TNN: variants seen among roughly 807,000 people sequenced by gnomAD.
TNN encodes the protein tenascin-N.
A neutral mutation model predicts 134.4 loss-of-function variants in TNN; 122 were observed. The observed-to-expected ratio is 0.91, with a 90% CI of 0.78 to 1.06. The LOEUF (loss-of-function observed/expected upper bound fraction) is 1.06. Ranked by LOEUF, TNN falls within the 50% of genes least tolerant of loss-of-function variation. TNN has a pLI of 0.00. For synonymous variants in TNN, 710 were observed against 670.3 expected (o/e 1.06, Z -0.91); for missense variants, 1,739 against 1,699.4 (o/e 1.02, Z -0.41).
Position 175,118,743 on chromosome 1 carries a change from C to G in TNN, c.2569C>G (p.Pro857Ala), listed in dbSNP as rs1485529720. ...CAGCACTGTCCTGACGGGCCTGAGGCCGGGCATGGAGTACACGGTGCACGT... is the reference window on the plus strand; with the variant it reads ...CAGCACTGTCCTGACGGGCCTGAGGGCGGGCATGGAGTACACGGTGCACGT... ...QSSTVLTGLR[P>A]GMEYTVHVWA... is the part of the protein sequence containing the mutation. Residue 857 changes from proline (P) to alanine (A), a missense_variant, in exon 11 of 19, where the codon CCG becomes GCG. Pro to Ala is a conservative substitution (Grantham distance 27). Transcript: ENST00000239462. 6.2e-7 allele frequency: 1 copy of G among 1,614,148 alleles called. No homozygotes were observed. The highest frequency in any genetic ancestry group is 8.5e-7 in the Non-Finnish European group (1 of 1,180,018).
At chr1:175,100,635 C>T (rs1038408024) in intron 9 of TNN, among the ~76,000 whole-genome samples, 14 of 151,888 alleles carry the variant, frequency 9.2e-5, no homozygotes, top group Admixed American at 6.6e-4. Context: ...TGTAATAGGA[C>T]GTATGAGCAA....
In TNN at chr1:175,093,987, A is replaced by G. The variant is rs756378791; in HGVS notation, c.1325-3A>G. ...TTTTTCTTTCTCATGTGTTTTTATGAAGAAATTGACAGTCCAACCAATGTT... is the reference window on the plus strand; with the variant it reads ...TTTTTCTTTCTCATGTGTTTTTATGGAGAAATTGACAGTCCAACCAATGTT... On this transcript the variant is annotated splice_region_variant and splice_polypyrimidine_tract_variant and intron_variant, in intron 6 of 18. Transcript: ENST00000239462. The G allele has an allele frequency of 1.1e-5, 18 of 1,582,416 alleles. No homozygotes were observed. In the South Asian group the frequency reaches 1.6e-4, roughly 14 times the overall value.
chr1:175,098,635 A>C (rs368734564), intron 9 of TNN, 40 bp downstream of exon 9: 24 of 1,613,226 alleles, frequency 1.5e-5, no homozygotes, highest in African/African-American at 2.7e-5. Context: ...TGCCATGCTC[A>C]GGGTCTGTCT....
At chr1:175,074,177 A>G (rs1247244456) in intron 1 of TNN, among the ~76,000 whole-genome samples, 1 of 151,858 alleles carries the variant, frequency 6.6e-6, no homozygotes, top group Non-Finnish European at 1.5e-5. Context: ...CCAGTGGCAC[A>G]CTGTCTTTGA....
At chr1:175,114,720 C>T (rs1031857546) in intron 9 of TNN, among the ~76,000 whole-genome samples, 4 of 146,634 alleles carry the variant, frequency 2.7e-5, no homozygotes, top group East Asian at 1.9e-4. Flanking sequence ...AGGGTGCAGC[C>T]GTGGTTTAAC....
intron 15 of TNN, among the ~76,000 whole-genome samples, chr1:175,131,006 C>T (rs1208432575): frequency 6.6e-6 from 1 of 151,948 alleles, no homozygotes; most frequent in Non-Finnish European, 1.5e-5. Context: ...CTGAAAACTT[C>T]CCCACAAAAC....
chr1:175,123,498 G>C lies in TNN; in HGVS notation c.2749G>C (p.Val917Leu). 6.2e-7 allele frequency: 1 copy of C among 1,614,224 alleles called. No homozygotes were observed. Among genetic ancestry groups the C allele is most frequent in the Non-Finnish European group, 8.5e-7 (1 of 1,180,044 alleles). Residue 917 changes from valine (V) to leucine (L), a missense_variant, in exon 12 of 19, where the codon GTG (valine) becomes CTG (leucine). Coordinates refer to ENST00000239462, the MANE Select transcript of TNN (RefSeq NM_022093.2). ...TCAGGCCACCATTGACAAGTACATG[G>C]TGCGCTACACCTCTGCTGACGGAGA... Reference protein sequence around the residue: ...PVQATIDKYMVRYTSADGETR... With the variant: ...PVQATIDKYMLRYTSADGETR...
intron 6 of TNN, among the ~76,000 whole-genome samples, chr1:175,085,748 C>T (rs1426208801): frequency 2.0e-5 from 3 of 152,072 alleles, no homozygotes; most frequent in Admixed American, 2.0e-4. Context: ...GTGGCGCATG[C>T]CTGTAATCCC....
chr1:175,083,317 T>C (rs1674242563), intron 4 of TNN, among the ~76,000 whole-genome samples: 1 of 152,208 alleles, frequency 6.6e-6, no homozygotes. Flanking sequence ...CTCTCCACTT[T>C]CCGTGGAAGT....
chr1:175,105,084 A>T (rs1674814886), intron 9 of TNN, among the ~76,000 whole-genome samples: 2 of 146,056 alleles, frequency 1.4e-5, no homozygotes, highest in Admixed American at 1.4e-4. Context: ...TGACTAGGAT[A>T]CCAGGTATCT....
In TNN at chr1:175,097,406, C is replaced by G. The variant is rs376318365; in HGVS notation, c.1589-11C>G. On this transcript the variant is annotated splice_polypyrimidine_tract_variant and intron_variant, in intron 7 of 18. Coordinates refer to ENST00000239462, the MANE Select transcript of TNN (RefSeq NM_022093.2). Reference sequence around the variant, plus strand: ...TAAAGGCTACATTCTTCTTTCATCTCTCTCTTAAAGAAATTGACAGCCCAG... The same window carrying G: ...TAAAGGCTACATTCTTCTTTCATCTGTCTCTTAAAGAAATTGACAGCCCAG... The G allele has an allele frequency of 1.4e-5, 22 of 1,613,876 alleles. No individual in the cohort carries two copies. The African/African-American group carries it at 2.4e-4, about 18-fold the overall frequency.
chr1:175,080,199 C>A lies in TNN; in HGVS notation c.821C>A (p.Thr274Lys). 1 of 1,614,066 alleles carries A rather than the reference C, an allele frequency of 6.2e-7. No individual in the cohort carries two copies. Among genetic ancestry groups the A allele is most frequent in the Non-Finnish European group, 8.5e-7 (1 of 1,179,994 alleles). Residue 274 changes from threonine to lysine, a missense_variant, in exon 4 of 19, where the codon ACG (threonine) becomes AAG (lysine). By Grantham distance (78) the Thr-to-Lys change is moderately conservative (BLOSUM62 -1). Coordinates refer to ENST00000239462, the MANE Select transcript of TNN (RefSeq NM_022093.2). ...CAGGGCCTGCAGCTGCTCAAGAACA[C>A]GGAGGATTCTCTGCTGGTGAGCTGG... is the stretch of plus-strand genomic sequence containing the variant. ...TPQGLQLLKN[T>K]EDSLLVSWEP...
chr1:175,111,837 C>T (rs1321612244), intron 9 of TNN, among the ~76,000 whole-genome samples: 1 of 150,476 alleles, frequency 6.6e-6, no homozygotes, highest in East Asian at 1.9e-4. Flanking sequence ...TTTTTATATG[C>T]TAATTTTGTA....
chr1:175,073,554 T>C (rs1437401689), intron 1 of TNN, among the ~76,000 whole-genome samples: 1 of 152,218 alleles, frequency 6.6e-6, no homozygotes, highest in Non-Finnish European at 1.5e-5. Flanking sequence ...CATCTTTTCT[T>C]CTTTCTCAGC....
In TNN at chr1:175,146,954, A is replaced by G; in HGVS notation, c.3783A>G (p.Lys1261=). ...HSEGVNWEPW[K]GHEFSIPYVE... is the part of the protein sequence containing the mutation. The stretch of plus-strand genomic sequence containing the variant: ...AGGGGGTGAACTGGGAGCCTTGGAA[A>G]GGACATGAATTCTCCATTCCTTACG... The change falls in exon 19 of 19, where the codon AAA becomes AAG. Residue 1261 remains lysine, a synonymous_variant. Coordinates refer to ENST00000239462, the MANE Select transcript of TNN (RefSeq NM_022093.2). 1 of 1,572,688 alleles carries G rather than the reference A, an allele frequency of 6.4e-7. No homozygotes were observed. The highest frequency in any genetic ancestry group is 8.6e-7 in the Non-Finnish European group (1 of 1,157,122).
chr1:175,079,243 T>G lies in TNN; in HGVS notation c.410-90T>G, dbSNP rs934452111. Reference sequence around the variant, plus strand: ...AGACCCTTAAGAGTGGGGCTAATGATTTCTGGGTCTTGCATGGCTGATCTC... The same window carrying G: ...AGACCCTTAAGAGTGGGGCTAATGAGTTCTGGGTCTTGCATGGCTGATCTC... On this transcript the variant is annotated intron_variant, in intron 2 of 18. Coordinates refer to ENST00000239462, the MANE Select transcript of TNN (RefSeq NM_022093.2). 2.8e-6 allele frequency: 4 copies of G among 1,431,914 alleles called. No homozygotes were observed. In the Admixed American group the frequency reaches 1.0e-4, roughly 37 times the overall value. The allele number at this position is 1,431,914 out of a possible 1,614,324, so 88.7% of individuals were successfully genotyped here. A position where few individuals can be genotyped will look rare whatever the true frequency, so the allele number is the denominator to read the frequency against.
intron 1 of TNN, among the ~76,000 whole-genome samples, chr1:175,070,957 C>T (rs1423352705): frequency 6.6e-6 from 1 of 152,180 alleles, no homozygotes; most frequent in Admixed American, 6.5e-5. Flanking sequence ...GAAGGAGTGA[C>T]AAGTTTGCCA....
intron 12 of TNN, 59 bp from the exon 13 acceptor site, chr1:175,126,896 A>C: frequency 1.3e-6 from 2 of 1,547,470 alleles, no homozygotes; most frequent in South Asian, 2.5e-5. Context: ...GATGTCTCAA[A>C]AATTACCTTG....
At chr1:175,128,223 T>C (rs1675582108) in intron 14 of TNN, 59 bp downstream of exon 14, 2 of 1,480,810 alleles carry the variant, frequency 1.4e-6, no homozygotes, top group Non-Finnish European at 1.8e-6. Flanking sequence ...CCGGAAAGCC[T>C]AGCAAAGGAG....
Sources: allele counts gnomAD v4.1 joint callset (sites outside exome capture counted in the v4.1 genomes callset), GRCh38; gene constraint gnomAD v4.1.1; transcripts MANE v1.5; gene names NCBI Gene and HGNC (gene_info 2026-07-23, HGNC 2026-07-21).